Variants in UNC93A observed in about 807,000 individuals in gnomAD.
UNC93A encodes unc-93 homolog A.
A neutral mutation model predicts 47.5 loss-of-function variants in UNC93A; 43 were observed. The ratio of observed to expected loss-of-function variants is 0.91; its 90% CI spans 0.71 to 1.17. UNC93A has a LOEUF of 1.17. UNC93A is among the 50% of genes most tolerant of loss of function. The pLI is 0.00. For synonymous variants in UNC93A, 280 were observed against 258.0 expected (o/e 1.09, Z -0.82); for missense variants, 605 against 577.6 (o/e 1.05, Z -0.49).
chr6:167,313,302 T>C (rs1778607067), intron 7 of UNC93A, among the ~76,000 whole-genome samples: 2 of 152,152 alleles, frequency 1.3e-5, no homozygotes, highest in Admixed American at 1.3e-4. Context: ...GCTCTTTCTC[T>C]CTTTGTTGTA....
intron 2 of UNC93A, 89 bp from the exon 3 acceptor site, chr6:167,295,943 C>T (rs1778073658): frequency 7.9e-7 from 1 of 1,265,800 alleles, no homozygotes; most frequent in Non-Finnish European, 1.1e-6. Flanking sequence ...GTGGTTCCTT[C>T]TCCCAGATTG....
At chr6:167,278,761 G>A (rs1422612651) in intron 1 of UNC93A, among the ~76,000 whole-genome samples, 1 of 152,140 alleles carries the variant, frequency 6.6e-6, no homozygotes, top group African/African-American at 2.4e-5. Flanking sequence ...AGACGCTGGG[G>A]AGACCTCGCC....
At chr6:167,308,340 C>T (rs1016933418) in intron 7 of UNC93A, among the ~76,000 whole-genome samples, 7 of 152,080 alleles carry the variant, frequency 4.6e-5, no homozygotes, top group Admixed American at 6.5e-5. Context: ...GCCCACGGGA[C>T]GATGGGAGGT....
chr6:167,296,843 C>G (rs1778103931), intron 3 of UNC93A, among the ~76,000 whole-genome samples: 1 of 152,190 alleles, frequency 6.6e-6, no homozygotes, highest in Admixed American at 6.5e-5. Flanking sequence ...ACATACATCT[C>G]TTTCATGCTT....
chr6:167,295,365 C>G (rs146247750), intron 2 of UNC93A, among the ~76,000 whole-genome samples: 1 of 152,228 alleles, frequency 6.6e-6, no homozygotes, highest in Non-Finnish European at 1.5e-5. Flanking sequence ...TCTTTTTAAC[C>G]GGGGCTGTCC....
upstream of UNC93A, among the ~76,000 whole-genome samples, chr6:167,286,881 G>A (rs1395002236): frequency 6.6e-6 from 1 of 151,368 alleles, no homozygotes; most frequent in African/African-American, 2.4e-5. Context: ...GGGAGGCTGA[G>A]GCAGGAGAAT....
At chr6:167,308,515 G>T (rs888184173) in intron 7 of UNC93A, among the ~76,000 whole-genome samples, 1 of 152,028 alleles carries the variant, frequency 6.6e-6, no homozygotes, top group Non-Finnish European at 1.5e-5. Flanking sequence ...CCTCCTAGAG[G>T]CTACATCTGC....
intron 1 of UNC93A, among the ~76,000 whole-genome samples, chr6:167,286,027 G>T (rs1383597879): frequency 2.1e-5 from 3 of 146,308 alleles, no homozygotes; most frequent in Non-Finnish European, 3.0e-5. Context: ...ATATATGCAT[G>T]TCTATATATA....
chr6:167,283,740 G>C (rs1192623716), intron 1 of UNC93A, among the ~76,000 whole-genome samples: 1 of 152,112 alleles, frequency 6.6e-6, no homozygotes, highest in African/African-American at 2.4e-5. Flanking sequence ...ATGAATAAGA[G>C]GTAACAGAGA....
chr6:167,280,376 A>G (rs775016504), intron 1 of UNC93A, among the ~76,000 whole-genome samples: 40 of 152,282 alleles, frequency 2.6e-4, no homozygotes, highest in Admixed American at 7.8e-4. Context: ...CATTTCAATA[A>G]CATATGAATT....
chr6:167,298,644 G>A (rs945448931), intron 4 of UNC93A, among the ~76,000 whole-genome samples: 7 of 152,032 alleles, frequency 4.6e-5, no homozygotes, highest in African/African-American at 1.7e-4. Flanking sequence ...TGGTGAAAGG[G>A]CTGCCCAAAG....
At chr6:167,306,651 C>T (rs1242504522) in intron 6 of UNC93A, among the ~76,000 whole-genome samples, 1 of 152,232 alleles carries the variant, frequency 6.6e-6, no homozygotes, top group Non-Finnish European at 1.5e-5. Flanking sequence ...AGAGGAAGGG[C>T]ACACGGTGAG....
At chr6:167,297,836 T>TC (rs986134857) in intron 3 of UNC93A, 109 bp from the exon 4 acceptor site, 7 of 1,415,302 alleles carry the variant, frequency 4.9e-6, no homozygotes, top group Non-Finnish European at 4.8e-6. Flanking sequence ...TAGTGATGCC[T>TC]CCCCCCAGGT....
intron 1 of UNC93A, among the ~76,000 whole-genome samples, chr6:167,275,623 G>A (rs55849060): frequency 0.2 from 29,883 of 152,178 alleles, 3,133 homozygotes; most frequent in African/African-American, 0.26. Flanking sequence ...GCAGCATCAG[G>A]CAGGCCTGGC....
At chr6:167,300,167 A>G (rs549476283) in intron 4 of UNC93A, among the ~76,000 whole-genome samples, 1 of 152,274 alleles carries the variant, frequency 6.6e-6, no homozygotes, top group Non-Finnish European at 1.5e-5. Context: ...GGGCAGTCTG[A>G]CGCCGTGCAG....
rs756981147 is a variant in UNC93A, at chr6:167,304,007, A to G, written c.714A>G (p.Ser238=). Residue 238 remains serine (S), a synonymous_variant, in exon 5 of 8, where the codon TCA becomes TCG. Transcript: ENST00000230256. ...VQRESEGEKK[S]VPFWSTLLST... is the part of the protein sequence containing the mutation. The stretch of plus-strand genomic sequence containing the variant: ...GGGAAAGTGAAGGAGAGAAGAAATC[A>G]GTACCTTTCTGGTCCACTTTACTGT... The G allele has an allele frequency of 2.5e-6, 4 of 1,613,886 alleles. No homozygotes were observed. Among genetic ancestry groups the G allele is most frequent in the Non-Finnish European group, 3.4e-6 (4 of 1,179,988 alleles).
Position 167,298,334 on chromosome 6 carries a change from T to C in UNC93A, c.625+264T>C, listed in dbSNP as rs548291553. On this transcript the variant is annotated intron_variant, in intron 4 of 7. Transcript: ENST00000230256. ...CCAACACAGCAGCCATTAAGCACTG[T>C]GGTTGTTTACATCTTAACTGATTAA... 7.4e-4 allele frequency: 250 copies of C among 339,428 alleles called. 2 individuals carry two copies. Among genetic ancestry groups the C allele is most frequent in the African/African-American group, 4.9e-3 (230 of 47,156 alleles). The allele number at this position is 339,428 out of a possible 1,614,324, so 21.0% of individuals were successfully genotyped here. A position where few individuals can be genotyped will look rare whatever the true frequency, so the allele number is the denominator to read the frequency against.
At chr6:167,303,435 A>C (rs906337957) in intron 4 of UNC93A, among the ~76,000 whole-genome samples, 1 of 152,088 alleles carries the variant, frequency 6.6e-6, no homozygotes, top group Admixed American at 6.5e-5. Flanking sequence ...ACCCCTTAAT[A>C]TCTTTAACCA....
At position 167,274,605 on chromosome 6, in the gene UNC93A, T is replaced by C. The variant is rs570349915; in HGVS notation, c.-52+3147T>C. 1.2e-4 allele frequency among the ~76,000 whole-genome samples: 18 copies of C among 152,322 alleles called. No homozygotes were observed. The East Asian group carries it at 3.5e-3, about 29-fold the overall frequency. On this transcript the variant is annotated intron_variant, in intron 1 of 3. Coordinates refer to the UNC93A transcript ENST00000503433. The stretch of plus-strand genomic sequence containing the variant: ...GTGCCTGCAGTTGATGTTTTCTCTA[T>C]GACACTCTTAGCTGACTGGCGGCTG...
Sources: allele counts gnomAD v4.1 joint callset (sites outside exome capture counted in the v4.1 genomes callset), GRCh38; gene constraint gnomAD v4.1.1; transcripts MANE v1.5; gene names NCBI Gene and HGNC (gene_info 2026-07-23, HGNC 2026-07-21).